Variants in NELL2 observed in about 807,000 individuals in gnomAD.
NELL2 encodes protein kinase C-binding protein NELL2.
NELL2 carries 41 observed loss-of-function variants against 109.6 expected under a neutral mutation model. The observed-to-expected ratio is 0.37, with a 90% CI of 0.29 to 0.49. The LOEUF (loss-of-function observed/expected upper bound fraction) is 0.49. Among genes scored for constraint, NELL2 ranks in the 20% least tolerant of loss-of-function variants. NELL2 has a pLI of 0.98. For missense variants in NELL2, 900 were observed against 1,008.3 expected (o/e 0.89, Z 1.45); for synonymous variants, 355 against 344.7 (o/e 1.03, Z -0.33).
rs532242978 is a variant in NELL2 at position 44,603,518 on chromosome 12, A to G, written c.1663+3651T>C. ...GTGATAAAGCTGTAAACCTTGGCAC[A>G]TAGCTTCAGCTTTCTAATACATTTT... On this transcript the variant is annotated intron_variant, in intron 15 of 19. Transcript: ENST00000429094. Among the ~76,000 whole-genome samples, 3 of 152,294 alleles carry G rather than the reference A, an allele frequency of 2.0e-5. No homozygotes were observed. In the South Asian group the frequency reaches 6.2e-4, roughly 32 times the overall value.
At chr12:44,770,527 A>G (rs1941506698) in intron 9 of NELL2, among the ~76,000 whole-genome samples, 1 of 152,190 alleles carries the variant, frequency 6.6e-6, no homozygotes, top group East Asian at 1.9e-4. Flanking sequence ...CTAAACCAAG[A>G]TGGCTTTTAA....
intron 12 of NELL2, among the ~76,000 whole-genome samples, chr12:44,675,272 A>G (rs1948267461): frequency 6.6e-6 from 1 of 152,182 alleles, no homozygotes. Flanking sequence ...GTCCCTTCAG[A>G]CCTTAATTTC....
upstream of NELL2, among the ~76,000 whole-genome samples, chr12:44,917,059 ACT>A (rs1945833845): frequency 1.3e-5 from 2 of 152,032 alleles, no homozygotes; most frequent in Non-Finnish European, 2.9e-5. Context: ...TCCCACAGAG[ACT>A]CTCGTTTTGT....
At chr12:44,715,783 T>A (rs182198300) in intron 9 of NELL2, among the ~76,000 whole-genome samples, 1 of 152,248 alleles carries the variant, frequency 6.6e-6, no homozygotes, top group Admixed American at 6.6e-5. Context: ...AATCCAATTT[T>A]TTATTTTAAC....
chr12:44,796,780 T>C (rs867935869), intron 3 of NELL2, among the ~76,000 whole-genome samples: 20 of 152,060 alleles, frequency 1.3e-4, no homozygotes, highest in African/African-American at 4.6e-4. Flanking sequence ...CAGTAGCAAA[T>C]TGAATTAATT....
intron 13 of NELL2, among the ~76,000 whole-genome samples, chr12:44,649,222 C>T (rs1239882747): frequency 6.6e-6 from 1 of 151,852 alleles, no homozygotes; most frequent in Non-Finnish European, 1.5e-5. Flanking sequence ...CCCTCCCTCC[C>T]TCCTTCCCTC....
chr12:44,913,305 T>G (rs1281914766), intron 1 of NELL2, among the ~76,000 whole-genome samples: 1 of 152,140 alleles, frequency 6.6e-6, no homozygotes, highest in South Asian at 2.1e-4. Context: ...CTCATTATTT[T>G]CTCCATACAG....
At chr12:44,862,062 A>C (rs1944858906) in intron 2 of NELL2, among the ~76,000 whole-genome samples, 1 of 152,240 alleles carries the variant, frequency 6.6e-6, no homozygotes, top group Non-Finnish European at 1.5e-5. Flanking sequence ...CAAAGCATCC[A>C]AAACAATTGT....
At chr12:44,867,822 A>G (rs905798388) in intron 2 of NELL2, among the ~76,000 whole-genome samples, 1 of 152,098 alleles carries the variant, frequency 6.6e-6, no homozygotes, top group African/African-American at 2.4e-5. Flanking sequence ...TAGTGTCTCT[A>G]TGTTAACAAT....
intron 15 of NELL2, among the ~76,000 whole-genome samples, chr12:44,534,519 A>G (rs1942215886): frequency 1.3e-5 from 2 of 152,116 alleles, no homozygotes; most frequent in African/African-American, 2.4e-5. Flanking sequence ...CTGAGGCCTC[A>G]TAAGTTTTGT....
At chr12:44,626,122 C>T (rs74081517) in intron 13 of NELL2, among the ~76,000 whole-genome samples, 28,001 of 151,988 alleles carry the variant, frequency 0.18, 3,738 homozygotes, top group African/African-American at 0.37. Flanking sequence ...TCAGTTAATA[C>T]GCAAACATAT....
At chr12:44,625,921 GACAAT>G (rs1355437317) in intron 13 of NELL2, among the ~76,000 whole-genome samples, 1 of 151,578 alleles carries the variant, frequency 6.6e-6, no homozygotes, top group Non-Finnish European at 1.5e-5. Flanking sequence ...GAATATTATG[GACAAT>G]TCTATATTAC....
intron 3 of NELL2, among the ~76,000 whole-genome samples, chr12:44,798,805 A>G (rs1566422671): frequency 6.6e-6 from 1 of 152,146 alleles, no homozygotes; most frequent in Non-Finnish European, 1.5e-5. Context: ...GATAGTTTAG[A>G]AACAGGTTCA....
At chr12:44,544,291 G>GTCTGAAAT (rs1359217067) in intron 15 of NELL2, among the ~76,000 whole-genome samples, 1 of 152,122 alleles carries the variant, frequency 6.6e-6, no homozygotes, top group African/African-American at 2.4e-5. Flanking sequence ...TACTGATAAT[G>GTCTGAAAT]TCTGAAATTG....
chr12:44,672,863 G>A (rs1170666331), intron 12 of NELL2, among the ~76,000 whole-genome samples: 1 of 152,190 alleles, frequency 6.6e-6, no homozygotes, highest in Non-Finnish European at 1.5e-5. Context: ...ACAGTGACTT[G>A]TCCAATCTTC....
At chr12:44,542,759 A>G (rs767081386) in intron 15 of NELL2, among the ~76,000 whole-genome samples, 3 of 152,192 alleles carry the variant, frequency 2.0e-5, no homozygotes, top group Non-Finnish European at 4.4e-5. Flanking sequence ...TTGGGCCACT[A>G]CAAGTATTAT....
chr12:44,619,814 T>C (rs1041426312), intron 13 of NELL2, among the ~76,000 whole-genome samples: 7 of 152,152 alleles, frequency 4.6e-5, no homozygotes, highest in Non-Finnish European at 1.0e-4. Flanking sequence ...ATCACAAGAT[T>C]TGAATCCCTT....
intron 15 of NELL2, among the ~76,000 whole-genome samples, chr12:44,544,546 G>A (rs1319385327): frequency 6.6e-6 from 1 of 151,980 alleles, no homozygotes; most frequent in Non-Finnish European, 1.5e-5. Flanking sequence ...TGTAAGAAAG[G>A]GTGCTGGAAA....
chr12:44,532,819 A>C, intron 15 of NELL2, 98 bp from the exon 16 acceptor site: 1 of 1,104,522 alleles, frequency 9.1e-7, no homozygotes, highest in Non-Finnish European at 1.3e-6. Flanking sequence ...ATGCCAGCAA[A>C]TCCTTGAAAC....
Sources: allele counts gnomAD v4.1 joint callset (sites outside exome capture counted in the v4.1 genomes callset), GRCh38; gene constraint gnomAD v4.1.1; transcripts MANE v1.5; gene names NCBI Gene and HGNC (gene_info 2026-07-23, HGNC 2026-07-21).